Variants in GARIN1B observed in about 807,000 individuals in gnomAD.
GARIN1B encodes golgi associated RAB2 interactor 1B, also known as Golgi-associated RAB2 interactor protein 1B.
chr7:128,714,639 C>A, the GARIN1B span, among the ~76,000 whole-genome samples: 4 of 152,104 alleles, frequency 2.6e-5, no homozygotes, highest in African/African-American at 9.7e-5. Context: ...CCAGGAATGG[C>A]CTTGAATAGT....
At chr7:128,720,203 C>CTTT in the GARIN1B span, among the ~76,000 whole-genome samples, 4 of 139,268 alleles carry the variant, frequency 2.9e-5, no homozygotes, top group African/African-American at 5.3e-5. Context: ...TTTCCTTCTT[C>CTTT]TTTTTTTTTT....
the GARIN1B span, among the ~76,000 whole-genome samples, chr7:128,711,390 C>T: frequency 6.6e-6 from 1 of 152,044 alleles, no homozygotes; most frequent in Non-Finnish European, 1.5e-5. Flanking sequence ...ACTCACTCAA[C>T]TGCTCTCACT....
At chr7:128,718,909 G>A in the GARIN1B span, 1 of 1,614,146 alleles carries the variant, frequency 6.2e-7, no homozygotes, top group Non-Finnish European at 8.5e-7. Flanking sequence ...CAGTCACTGA[G>A]AAGATTTATT....
chr7:128,724,896 A>C, the GARIN1B span: 2 of 1,283,334 alleles, frequency 1.6e-6, no homozygotes, highest in Non-Finnish European at 2.0e-6. Flanking sequence ...TCGCAAAGAC[A>C]TGGGCCCAAG....
At chr7:128,725,495 C>T in the GARIN1B span, among the ~76,000 whole-genome samples, 2 of 152,102 alleles carry the variant, frequency 1.3e-5, no homozygotes, top group African/African-American at 4.8e-5. Flanking sequence ...CCTTAGCCTC[C>T]AGTGTAGCTG....
the GARIN1B span, chr7:128,723,398 A>T: frequency 1.9e-6 from 3 of 1,542,370 alleles, no homozygotes; most frequent in South Asian, 3.5e-5. Flanking sequence ...CCAGAAACCA[A>T]ATAGCTTGGT....
At chr7:128,720,709 G>T in the GARIN1B span, among the ~76,000 whole-genome samples, 1 of 152,094 alleles carries the variant, frequency 6.6e-6, no homozygotes, top group African/African-American at 2.4e-5. Flanking sequence ...AGCACCATTT[G>T]TTGAAAAGAC....
chr7:128,714,006 C>A, the GARIN1B span: 10 of 1,531,956 alleles, frequency 6.5e-6, 1 homozygote, highest in South Asian at 1.2e-4. Flanking sequence ...ACTTTTCCTA[C>A]CTGGTAAACA....
At chr7:128,720,151 G>T in the GARIN1B span, among the ~76,000 whole-genome samples, 23,966 of 151,236 alleles carry the variant, frequency 0.16, 2,280 homozygotes, top group African/African-American at 0.26. Flanking sequence ...TGTTTTTGAG[G>T]AGCAAAAGTT....
the GARIN1B span, chr7:128,723,377 G>A: frequency 5.7e-6 from 9 of 1,577,556 alleles, no homozygotes; most frequent in Non-Finnish European, 7.8e-6. Flanking sequence ...AGATGGTCTG[G>A]GCTGTGAGAT....
At chr7:128,719,166 T>G in the GARIN1B span, 28 of 1,461,506 alleles carry the variant, frequency 1.9e-5, no homozygotes, top group African/African-American at 3.1e-4. Flanking sequence ...GAGTGCCCTA[T>G]GAAGGTGATC....
the GARIN1B span, among the ~76,000 whole-genome samples, chr7:128,709,962 AG>A: frequency 6.6e-6 from 1 of 151,886 alleles, no homozygotes; most frequent in Non-Finnish European, 1.5e-5. Flanking sequence ...CATGTTGGCC[AG>A]GCTGGTCTCG....
At chr7:128,713,966 C>T in the GARIN1B span, 2 of 1,525,056 alleles carry the variant, frequency 1.3e-6, no homozygotes, top group Non-Finnish European at 1.8e-6. Context: ...GGTCTCTGAT[C>T]TAATCCTTAG....
the GARIN1B span, among the ~76,000 whole-genome samples, chr7:128,721,551 G>A: frequency 0.077 from 11,696 of 151,952 alleles, 832 homozygotes; most frequent in East Asian, 0.24. Flanking sequence ...CTGCAATAAG[G>A]ACAGTTTCAT....
chr7:128,722,578 G>A, the GARIN1B span, among the ~76,000 whole-genome samples: 13 of 152,220 alleles, frequency 8.5e-5, no homozygotes, highest in African/African-American at 3.1e-4. Context: ...GGCCAAGGTG[G>A]GCAGATCACG....
chr7:128,722,931 G>A, the GARIN1B span, among the ~76,000 whole-genome samples: 1 of 152,058 alleles, frequency 6.6e-6, no homozygotes, highest in Non-Finnish European at 1.5e-5. Flanking sequence ...TTATATTAAG[G>A]TATATTAATA....
At chr7:128,709,834 C>G in the GARIN1B span, among the ~76,000 whole-genome samples, 1 of 149,790 alleles carries the variant, frequency 6.7e-6, no homozygotes, top group Non-Finnish European at 1.5e-5. Flanking sequence ...TCACTGCAAC[C>G]TCTGCCTCCT....
the GARIN1B span, chr7:128,730,116 A>T: frequency 6.3e-7 from 1 of 1,585,730 alleles, no homozygotes; most frequent in Admixed American, 1.7e-5. Flanking sequence ...CAGCCCTGGC[A>T]TTCAGCCTCA....
At chr7:128,724,655 G>A in the GARIN1B span, 1 of 1,157,874 alleles carries the variant, frequency 8.6e-7, no homozygotes, top group African/African-American at 1.6e-5. Flanking sequence ...TGGGATCCAG[G>A]GTCCTAGTGC....
Sources: allele counts gnomAD v4.1 joint callset (sites outside exome capture counted in the v4.1 genomes callset), GRCh38; gene constraint gnomAD v4.1.1; transcripts MANE v1.5; gene names NCBI Gene and HGNC (gene_info 2026-07-23, HGNC 2026-07-21).